Variants in ANK3 observed in about 807,000 individuals in gnomAD.
The protein encoded by ANK3 is ankyrin-3.
A neutral mutation model predicts 370.9 loss-of-function variants in ANK3; 57 were observed. The ratio of observed to expected loss-of-function variants is 0.15; its 90% CI spans 0.12 to 0.19. ANK3 has a LOEUF of 0.19. Among genes scored for constraint, ANK3 ranks in the 10% least tolerant of loss-of-function variants. The pLI is 1.00. For synonymous variants in ANK3, 1,929 were observed against 1,946.3 expected, an observed-to-expected ratio of 0.99 and a Z score of 0.23; for missense variants, 4,439 against 5,302.1, an observed-to-expected ratio of 0.84 and a Z score of 5.06.
chr10:60,387,473 T>C (rs2062552500), intron 1 of ANK3, among the ~76,000 whole-genome samples: 1 of 120,442 alleles, frequency 8.3e-6, no homozygotes, highest in African/African-American at 2.9e-5. Context: ...AATTGGACTA[T>C]GAATATTATA....
intron 7 of ANK3, among the ~76,000 whole-genome samples, chr10:60,243,855 G>T (rs2097513063): frequency 6.6e-6 from 1 of 152,206 alleles, no homozygotes; most frequent in African/African-American, 2.4e-5. Flanking sequence ...GGGATGCAAA[G>T]GGTCTTAGAG....
At chr10:60,648,675 C>G (rs2078745127) in intron 1 of ANK3, among the ~76,000 whole-genome samples, 1 of 149,236 alleles carries the variant, frequency 6.7e-6, no homozygotes, top group African/African-American at 2.5e-5. Context: ...AAGGCTGAGG[C>G]AGGAGAATCA....
intron 23 of ANK3, among the ~76,000 whole-genome samples, chr10:60,144,404 G>C (rs1303614574): frequency 6.6e-6 from 1 of 152,170 alleles, no homozygotes; most frequent in Non-Finnish European, 1.5e-5. Flanking sequence ...GTATTGACTT[G>C]ATGCATTTCG....
intron 42 of ANK3, 174 bp from the exon 43 acceptor site, chr10:60,042,933 T>C (rs1193623827): frequency 7.1e-7 from 1 of 1,411,862 alleles, no homozygotes; most frequent in Non-Finnish European, 9.2e-7. Flanking sequence ...TTTAGCATCA[T>C]CAAGCAAGCT....
chr10:60,492,725 G>GAAAAAAAGAAAAAAAA (rs2075548321), intron 2 of ANK3, among the ~76,000 whole-genome samples: 1 of 97,846 alleles, frequency 1.0e-5, no homozygotes, highest in Non-Finnish European at 2.1e-5. Context: ...AAAAAAAAAA[G>GAAAAAAAGAAAAAAAA]AAAGAAAGAA....
At chr10:60,065,220 T>G (rs913673047) in intron 38 of ANK3, among the ~76,000 whole-genome samples, 5 of 152,202 alleles carry the variant, frequency 3.3e-5, no homozygotes, top group Admixed American at 2.0e-4. Context: ...TATTCAATCT[T>G]GTAAATTGCA....
At chr10:60,240,068 T>TATATATACAC (rs2097408108) in intron 7 of ANK3, among the ~76,000 whole-genome samples, 2 of 15,578 alleles carry the variant, frequency 1.3e-4, no homozygotes, top group African/African-American at 1.3e-4. Context: ...CATATATACA[T>TATATATACAC]ATATATACAT....
At chr10:60,321,328 C>T (rs2048594122) in intron 1 of ANK3, among the ~76,000 whole-genome samples, 1 of 150,266 alleles carries the variant, frequency 6.7e-6, no homozygotes, top group South Asian at 2.1e-4. Flanking sequence ...CTCAAGGCTA[C>T]ACAGAGACAT....
chr10:60,230,396 A>G (rs2097220964), intron 8 of ANK3, among the ~76,000 whole-genome samples: 1 of 152,256 alleles, frequency 6.6e-6, no homozygotes, highest in Non-Finnish European at 1.5e-5. Flanking sequence ...TTTTAAAATT[A>G]GAAAGCTGCA....
At chr10:60,091,535 G>C (rs1439917660) in intron 28 of ANK3, among the ~76,000 whole-genome samples, 1 of 150,864 alleles carries the variant, frequency 6.6e-6, no homozygotes, top group Non-Finnish European at 1.5e-5. Context: ...GGGAGGGTGG[G>C]GGTGGGAGGA....
intron 1 of ANK3, among the ~76,000 whole-genome samples, chr10:60,634,610 C>T (rs2078527668): frequency 6.6e-6 from 1 of 152,046 alleles, no homozygotes; most frequent in Non-Finnish European, 1.5e-5. Flanking sequence ...AAGCAGGCCA[C>T]CGGAGCCAGC....
rs899308964 is a variant in ANK3 at position 60,082,292 on chromosome 10, A to T, written c.4324-116T>A. The T allele has an allele frequency of 4.2e-6, 4 of 950,806 alleles. No homozygotes were observed. In the African/African-American group the frequency reaches 6.7e-5, roughly 16 times the overall value. The allele number at this position is 950,806 out of a possible 1,614,324, so 58.9% of individuals were successfully genotyped here. A position where few individuals can be genotyped will look rare whatever the true frequency, so the allele number is the denominator to read the frequency against. Reference sequence around the variant, plus strand: ...GAGCACAAATGCAAGCTGATTTAGAAAGCAAAGCAAATTTTAAAAAAAGCC... The same window carrying T: ...GAGCACAAATGCAAGCTGATTTAGATAGCAAAGCAAATTTTAAAAAAAGCC... On this transcript the variant is annotated intron_variant, in intron 34 of 43. Transcript: ENST00000280772.
At chr10:60,429,264 T>C (rs2063959786) in intron 2 of ANK3, among the ~76,000 whole-genome samples, 2 of 152,194 alleles carry the variant, frequency 1.3e-5, no homozygotes, top group African/African-American at 4.8e-5. Context: ...CTTTGTTATC[T>C]TCTCTCAAGC....
chr10:60,234,680 A>G lies in ANK3; in HGVS notation c.897+8T>C, dbSNP rs369235645. The G allele has an allele frequency of 7.6e-6, 12 of 1,588,246 alleles. No homozygotes were observed. The African/African-American group carries it at 1.3e-4, about 18-fold the overall frequency. On this transcript the variant is annotated splice_region_variant and intron_variant, in intron 8 of 43. Transcript: ENST00000280772. ...AAGTAGAAGCAGGTACATAAGTTGC[A>G]CACTTACCCTGGTTTTGGCATCGAT...
chr10:60,058,413 A>C (rs10821665), intron 41 of ANK3, among the ~76,000 whole-genome samples: 44,269 of 150,502 alleles, frequency 0.29, 7,409 homozygotes, highest in African/African-American at 0.48. Flanking sequence ...GGGTAAAGAC[A>C]AATGTTCATC....
intron 2 of ANK3, among the ~76,000 whole-genome samples, chr10:60,495,991 T>C (rs1043184781): frequency 1.1e-4 from 16 of 152,140 alleles, no homozygotes; most frequent in Non-Finnish European, 1.8e-4. Flanking sequence ...CTTTTTTTTT[T>C]TTCTCTTGTT....
In ANK3 at chr10:60,106,115, T is replaced by C. The variant is rs995395331; in HGVS notation, c.3174-56A>G. On this transcript the variant is annotated intron_variant, in intron 27 of 43. Coordinates refer to ENST00000280772, the MANE Select transcript of ANK3 (RefSeq NM_020987.5). ...CAAATTAAATATATTTATAGTATCA[T>C]ACTTAAAAAATGTTTCGTTAACAGT... The C allele has an allele frequency of 3.4e-6, 5 of 1,455,094 alleles. No individual in the cohort carries two copies. In the African/African-American group the frequency reaches 5.9e-5, roughly 17 times the overall value. The allele number at this position is 1,455,094 out of a possible 1,614,324, so 90.1% of individuals were successfully genotyped here. A position where few individuals can be genotyped will look rare whatever the true frequency, so the allele number is the denominator to read the frequency against.
At chr10:60,614,759 A>T (rs541089861) in intron 2 of ANK3, among the ~76,000 whole-genome samples, 2 of 152,330 alleles carry the variant, frequency 1.3e-5, no homozygotes, top group East Asian at 1.9e-4. Flanking sequence ...CAAACATCTG[A>T]TCATAATTGG....
chr10:60,267,078 G>A (rs2097892712), intron 5 of ANK3, among the ~76,000 whole-genome samples: 2 of 152,104 alleles, frequency 1.3e-5, no homozygotes, highest in African/African-American at 4.8e-5. Context: ...ATATATACAA[G>A]ATTTGAAGTG....
Sources: gnomAD v4.1 joint callset for allele counts (sites outside exome capture counted in the v4.1 genomes callset) on GRCh38, gnomAD v4.1.1 for gene constraint, MANE v1.5 for transcripts, NCBI Gene and HGNC (gene_info 2026-07-23, HGNC 2026-07-21) for gene names.